The following RNLS variants were observed in gnomAD, a reference collection of about 807,000 sequenced individuals.
RNLS encodes renalase.
Under a neutral mutation model 39.8 loss-of-function variants are expected in RNLS, and 39 were observed. That is an observed-to-expected ratio of 0.98 (90% CI 0.76 to 1.28). The LOEUF (loss-of-function observed/expected upper bound fraction) is 1.28, where lower values mean the gene tolerates loss of function less well. Among genes scored for constraint, RNLS ranks in the 50% most tolerant of loss-of-function variants. RNLS has a pLI of 0.00. For missense variants in RNLS, 410 were observed against 413.3 expected (o/e 0.99, Z 0.07); for synonymous variants, 147 against 150.7 (o/e 0.98, Z 0.18).
the RNLS span, among the ~76,000 whole-genome samples, chr10:88,267,133 G>A: frequency 4.6e-5 from 7 of 152,138 alleles, no homozygotes; most frequent in East Asian, 1.4e-3. Flanking sequence ...TTTGGTCTTT[G>A]TGTCTGTTTT....
chr10:88,581,730 T>C, intron 2 of RNLS, 21 bp from the exon 3 acceptor site: 2 of 1,487,790 alleles, frequency 1.3e-6, no homozygotes, highest in East Asian at 2.5e-5. Flanking sequence ...TCAATATGTA[T>C]ATTTAATGTA....
In RNLS at chr10:88,433,891, C is replaced by T. The variant is rs548268699; in HGVS notation, c.527-71166G>A. Reference sequence around the variant, plus strand: ...ATGCTTATAATTATTTCATCCCAGGCTTGCTATTTTATCTCTGGTTGATAG... The same window carrying T: ...ATGCTTATAATTATTTCATCCCAGGTTTGCTATTTTATCTCTGGTTGATAG... On this transcript the variant is annotated intron_variant, in intron 4 of 6. Coordinates refer to ENST00000331772, the MANE Select transcript of RNLS (RefSeq NM_001031709.3). Among the ~76,000 whole-genome samples, 5 of 152,180 alleles carry T rather than the reference C, an allele frequency of 3.3e-5. No homozygotes were observed. The South Asian group carries it at 6.2e-4, about 19-fold the overall frequency.
chr10:88,226,148 C>T, the RNLS span, among the ~76,000 whole-genome samples: 1 of 152,212 alleles, frequency 6.6e-6, no homozygotes, highest in East Asian at 1.9e-4. Flanking sequence ...AAACTGAGAA[C>T]ACACAGTCAT....
At chr10:88,355,277 G>A (rs908257301) in intron 5 of RNLS, among the ~76,000 whole-genome samples, 8 of 152,216 alleles carry the variant, frequency 5.3e-5, no homozygotes, top group Admixed American at 5.2e-4. Context: ...TCCTTTGGAG[G>A]AGGAGAGGCG....
chr10:88,553,157 T>C (rs1848680041), intron 4 of RNLS, among the ~76,000 whole-genome samples: 1 of 152,106 alleles, frequency 6.6e-6, no homozygotes, highest in South Asian at 2.1e-4. Flanking sequence ...ATGGATGGAG[T>C]TCATTTTGAC....
intron 4 of RNLS, among the ~76,000 whole-genome samples, chr10:88,477,868 C>A (rs1252896984): frequency 6.6e-6 from 1 of 152,172 alleles, no homozygotes; most frequent in Non-Finnish European, 1.5e-5. Flanking sequence ...CTAGAGGACA[C>A]ACTGTTCATT....
At chr10:88,214,927 T>A in the RNLS span, among the ~76,000 whole-genome samples, 2 of 152,182 alleles carry the variant, frequency 1.3e-5, no homozygotes, top group African/African-American at 4.8e-5. Flanking sequence ...TTGAGCAATA[T>A]GGTTTAGTCA....
the RNLS span, among the ~76,000 whole-genome samples, chr10:88,204,702 C>T: frequency 1.3e-5 from 2 of 152,158 alleles, no homozygotes; most frequent in Admixed American, 6.5e-5. Flanking sequence ...CAAAGTCACC[C>T]AGCTAGTGAG....
chr10:88,415,085 G>T (rs949362616), intron 4 of RNLS, among the ~76,000 whole-genome samples: 2 of 152,158 alleles, frequency 1.3e-5, no homozygotes, highest in African/African-American at 4.8e-5. Context: ...CATGTAGGAT[G>T]GTCTTGCTTT....
chr10:88,180,779 A>G, the RNLS span, among the ~76,000 whole-genome samples: 7 of 152,222 alleles, frequency 4.6e-5, no homozygotes, highest in African/African-American at 1.2e-4. Context: ...CCTGTCATAC[A>G]TATATCAAAC....
At chr10:88,265,359 A>T in the RNLS span, among the ~76,000 whole-genome samples, 3 of 69,190 alleles carry the variant, frequency 4.3e-5, no homozygotes, top group Non-Finnish European at 8.7e-5. Flanking sequence ...GTTCCATATG[A>T]ATTTTAGGAT....
At chr10:88,195,707 G>T in the RNLS span, among the ~76,000 whole-genome samples, 3 of 152,274 alleles carry the variant, frequency 2.0e-5, no homozygotes, top group East Asian at 5.8e-4. Flanking sequence ...TAGCACTGTG[G>T]AGCTTGCCTA....
chr10:88,495,507 G>A (rs1845116255), intron 4 of RNLS, among the ~76,000 whole-genome samples: 1 of 152,122 alleles, frequency 6.6e-6, no homozygotes, highest in Admixed American at 6.6e-5. Flanking sequence ...TAATACATCT[G>A]CTCTCATTAC....
chr10:88,361,124 C>T (rs913868894), intron 5 of RNLS, among the ~76,000 whole-genome samples: 2 of 152,136 alleles, frequency 1.3e-5, no homozygotes, highest in African/African-American at 2.4e-5. Flanking sequence ...GTGTGCAAGC[C>T]GGGATAGAAA....
intron 5 of RNLS, among the ~76,000 whole-genome samples, chr10:88,359,782 A>G (rs1181757574): frequency 6.6e-6 from 1 of 152,230 alleles, no homozygotes; most frequent in African/African-American, 2.4e-5. Flanking sequence ...GCATAATTTT[A>G]TAAATTATTA....
intron 5 of RNLS, among the ~76,000 whole-genome samples, chr10:88,330,151 C>G (rs1046540124): frequency 2.0e-5 from 3 of 148,400 alleles, no homozygotes; most frequent in Non-Finnish European, 4.5e-5. Flanking sequence ...TATATTATCT[C>G]TCTCTATATA....
chr10:88,571,968 C>T (rs903623845), intron 4 of RNLS, among the ~76,000 whole-genome samples: 2 of 152,164 alleles, frequency 1.3e-5, no homozygotes, highest in African/African-American at 4.8e-5. Flanking sequence ...AGTTACATCT[C>T]ATCTGTGCTG....
chr10:88,340,432 T>A (rs1847842490), intron 5 of RNLS, among the ~76,000 whole-genome samples: 1 of 151,508 alleles, frequency 6.6e-6, no homozygotes, highest in Non-Finnish European at 1.5e-5. Context: ...AATTAGAGGA[T>A]CATTTCCTTT....
At chr10:88,400,292 T>C (rs914890214) in intron 4 of RNLS, among the ~76,000 whole-genome samples, 5 of 152,056 alleles carry the variant, frequency 3.3e-5, no homozygotes, top group African/African-American at 1.2e-4. Flanking sequence ...CTCTTTAGCA[T>C]GACATACAGG....
Sources: allele counts gnomAD v4.1 joint callset (sites outside exome capture counted in the v4.1 genomes callset), GRCh38; gene constraint gnomAD v4.1.1; transcripts MANE v1.5; gene names NCBI Gene and HGNC (gene_info 2026-07-23, HGNC 2026-07-21).